ANO6: variants seen among roughly 807,000 people sequenced by gnomAD.
ANO6 encodes anoctamin 6.
ANO6 carries 106 observed loss-of-function variants against 117.5 expected under a neutral mutation model. That is an observed-to-expected ratio of 0.90 (90% CI 0.77 to 1.06). The LOEUF is 1.06. Among genes scored for constraint, ANO6 ranks in the 50% least tolerant of loss-of-function variants. The pLI, the probability that ANO6 is intolerant of heterozygous loss-of-function variation, is 0.00. For missense variants in ANO6, 955 were observed against 1,121.1 expected, an observed-to-expected ratio of 0.85 and a Z score of 2.12; for synonymous variants, 367 against 385.1, an observed-to-expected ratio of 0.95 and a Z score of 0.55.
chr12:45,341,744 T>C (rs1372966707), intron 3 of ANO6, among the ~76,000 whole-genome samples: 2 of 152,156 alleles, frequency 1.3e-5, no homozygotes, highest in Non-Finnish European at 2.9e-5. Context: ...CGAAGGGTCA[T>C]TGGGTGCATG....
At chr12:45,386,122 A>T (rs1428802698) in intron 10 of ANO6, among the ~76,000 whole-genome samples, 1 of 152,210 alleles carries the variant, frequency 6.6e-6, no homozygotes, top group Non-Finnish European at 1.5e-5. Flanking sequence ...ACCAAAAATC[A>T]TAATTTATAA....
intron 19 of ANO6, among the ~76,000 whole-genome samples, chr12:45,424,327 GTTTTT>G (rs66945216): frequency 8.6e-5 from 7 of 81,268 alleles, no homozygotes; most frequent in East Asian, 5.7e-4. Flanking sequence ...TAGGTGATGG[GTTTTT>G]TTTTTTTTTT....
At chr12:45,438,224 T>C (rs564992273) in intron 19 of ANO6, among the ~76,000 whole-genome samples, 3 of 152,032 alleles carry the variant, frequency 2.0e-5, no homozygotes, top group African/African-American at 7.2e-5. Flanking sequence ...TTGTGTATCC[T>C]GCCACATTCA....
intron 2 of ANO6, among the ~76,000 whole-genome samples, chr12:45,304,872 T>C (rs1183518611): frequency 1.3e-5 from 2 of 152,220 alleles, no homozygotes; most frequent in African/African-American, 4.8e-5. Context: ...TGCTGTATAG[T>C]GTGCATATAT....
intron 2 of ANO6, among the ~76,000 whole-genome samples, chr12:45,318,764 T>C (rs1940143620): frequency 6.6e-6 from 1 of 152,184 alleles, no homozygotes. Context: ...GAGCATGGAA[T>C]GTTCTTCCAT....
intron 12 of ANO6, among the ~76,000 whole-genome samples, chr12:45,390,778 A>G (rs1942427996): frequency 6.6e-6 from 1 of 152,194 alleles, no homozygotes; most frequent in Non-Finnish European, 1.5e-5. Context: ...TCTGGTGAAG[A>G]CCAAATGGAA....
chr12:45,400,219 T>C (rs1942747488), intron 12 of ANO6, among the ~76,000 whole-genome samples: 1 of 152,234 alleles, frequency 6.6e-6, no homozygotes, highest in Admixed American at 6.5e-5. Flanking sequence ...CAAATATACA[T>C]GTGCTAAGGT....
chr12:45,358,338 G>C (rs1329452384), intron 8 of ANO6, among the ~76,000 whole-genome samples: 1 of 152,176 alleles, frequency 6.6e-6, no homozygotes, highest in African/African-American at 2.4e-5. Context: ...TGGCTTCTTA[G>C]CTTGAAAGCT....
chr12:45,413,305 T>C (rs1312280427), intron 16 of ANO6, among the ~76,000 whole-genome samples: 1 of 152,124 alleles, frequency 6.6e-6, no homozygotes, highest in Non-Finnish European at 1.5e-5. Flanking sequence ...ATGGATTTGG[T>C]AAGTGTTAAA....
In ANO6 at chr12:45,375,877, C is replaced by G. The variant is rs934771912; in HGVS notation, c.1105-2176C>G. On this transcript the variant is annotated intron_variant, in intron 9 of 19. Transcript: ENST00000320560. ...AATGGGATCTAATTAAACTAAAGGGCTTCTGCACAGCAAAAGAAACTACCA... is the reference window on the plus strand; with the variant it reads ...AATGGGATCTAATTAAACTAAAGGGGTTCTGCACAGCAAAAGAAACTACCA... 3.4e-5 allele frequency among the ~76,000 whole-genome samples: 5 copies of G among 148,578 alleles called. 1 individual carries two copies. The highest frequency in any genetic ancestry group is 1.3e-4 in the African/African-American group (5 of 39,870).
intron 11 of ANO6, among the ~76,000 whole-genome samples, chr12:45,389,146 C>G (rs1942375966): frequency 6.6e-6 from 1 of 152,140 alleles, no homozygotes; most frequent in African/African-American, 2.4e-5. Context: ...TAAATTGAAT[C>G]ACAGATTTAC....
chr12:45,230,951 A>G (rs745894650), intron 1 of ANO6, among the ~76,000 whole-genome samples: 65 of 152,262 alleles, frequency 4.3e-4, no homozygotes, highest in Admixed American at 9.8e-4. Flanking sequence ...CTACAAAAAT[A>G]TAAAAATTAG....
At chr12:45,218,164 CTACTAA>C (rs1947344652) in intron 1 of ANO6, among the ~76,000 whole-genome samples, 1 of 152,062 alleles carries the variant, frequency 6.6e-6, no homozygotes, top group African/African-American at 2.4e-5. Context: ...CCTCTAGAAA[CTACTAA>C]TACTAATACT....
At chr12:45,370,171 A>AACT (rs1486629421) in intron 9 of ANO6, among the ~76,000 whole-genome samples, 1 of 152,224 alleles carries the variant, frequency 6.6e-6, no homozygotes, top group Non-Finnish European at 1.5e-5. Flanking sequence ...CTTACCCAGT[A>AACT]AGCTCCTTGC....
chr12:45,388,194 A>C lies in ANO6; in HGVS notation c.1199A>C (p.Gln400Pro). 1 of 1,614,050 alleles carries C rather than the reference A, an allele frequency of 6.2e-7. No homozygotes were observed. Among genetic ancestry groups the C allele is most frequent in the Non-Finnish European group, 8.5e-7 (1 of 1,179,918 alleles). The stretch of plus-strand genomic sequence containing the variant: ...TTTTTGGAGTTTTGGAAGCGACGCC[A>C]GGCAGAACTTGAGTATGAATGGGAT... ...TLFLEFWKRRQAELEYEWDTV... is the reference protein window; with the variant it reads ...TLFLEFWKRRPAELEYEWDTV... The change falls in exon 11 of 20, where the codon CAG becomes CCG. Residue 400 changes from glutamine to proline, a missense_variant. Transcript: ENST00000320560.
chr12:45,398,554 C>G (rs1312424128), intron 12 of ANO6, among the ~76,000 whole-genome samples: 1 of 152,084 alleles, frequency 6.6e-6, no homozygotes, highest in Non-Finnish European at 1.5e-5. Context: ...TGAAAATGGT[C>G]AGTAAAAGTA....
At chr12:45,390,525 A>G in intron 12 of ANO6, 27 bp downstream of exon 12, 1 of 1,584,412 alleles carries the variant, frequency 6.3e-7, no homozygotes, top group East Asian at 2.2e-5. Context: ...AATGTTTTGA[A>G]TGATTAAAAA....
intron 2 of ANO6, among the ~76,000 whole-genome samples, chr12:45,325,843 A>T (rs188279305): frequency 2.6e-4 from 40 of 152,292 alleles, no homozygotes; most frequent in African/African-American, 9.6e-4. Context: ...TGGGTTTACG[A>T]AAAAGATTCA....
At chr12:45,232,094 G>A (rs947001080) in intron 1 of ANO6, among the ~76,000 whole-genome samples, 2 of 152,172 alleles carry the variant, frequency 1.3e-5, no homozygotes, top group African/African-American at 2.4e-5. Context: ...TAGAGCACTG[G>A]ATTTATCTTG....
Sources: allele counts gnomAD v4.1 joint callset (sites outside exome capture counted in the v4.1 genomes callset), GRCh38; gene constraint gnomAD v4.1.1; transcripts MANE v1.5; gene names NCBI Gene and HGNC (gene_info 2026-07-23, HGNC 2026-07-21).